FRMD4B: variants seen among roughly 807,000 people sequenced by gnomAD.
FRMD4B encodes the protein FERM domain containing 4B, also known as FERM domain-containing protein 4B.
In FRMD4B, 74 loss-of-function variants were observed where a neutral mutation model predicts 141.5. The ratio of observed to expected loss-of-function variants is 0.52; its 90% CI spans 0.43 to 0.63. The LOEUF (loss-of-function observed/expected upper bound fraction) is 0.63. Among genes scored for constraint, FRMD4B ranks in the 30% least tolerant of loss-of-function variants. The probability of loss-of-function intolerance (pLI) is 0.00; values close to 1 mark genes in which losing one functional copy is unlikely to be tolerated. For missense variants in FRMD4B, 1,366 were observed against 1,253.4 expected, an observed-to-expected ratio of 1.09 and a Z score of -1.36; for synonymous variants, 506 against 467.9, an observed-to-expected ratio of 1.08 and a Z score of -1.05.
intron 1 of FRMD4B, among the ~76,000 whole-genome samples, chr3:69,342,189 C>T (rs1702763465): frequency 6.6e-6 from 1 of 152,122 alleles, no homozygotes; most frequent in South Asian, 2.1e-4. Context: ...GGGTCCATGT[C>T]CTTAAAGTGG....
intron 5 of FRMD4B, chr3:69,287,532 T>C (rs1432300848): frequency 5.5e-6 from 3 of 548,208 alleles, no homozygotes; most frequent in Non-Finnish European, 9.8e-6. Context: ...ATTGTGCATA[T>C]GCAGGATTCC....
At chr3:69,473,945 C>T (rs1705936854) in intron 1 of FRMD4B, among the ~76,000 whole-genome samples, 1 of 152,146 alleles carries the variant, frequency 6.6e-6, no homozygotes, top group African/African-American at 2.4e-5. Flanking sequence ...CTTCTCCCAT[C>T]CCAGCCGTAT....
At chr3:69,231,312 C>G (rs1452115477) in intron 7 of FRMD4B, among the ~76,000 whole-genome samples, 1 of 152,024 alleles carries the variant, frequency 6.6e-6, no homozygotes, top group Non-Finnish European at 1.5e-5. Flanking sequence ...TTATTTTTTT[C>G]TCCGAGACTC....
intron 1 of FRMD4B, among the ~76,000 whole-genome samples, chr3:69,370,917 C>G (rs1024296678): frequency 2.6e-5 from 4 of 152,226 alleles, no homozygotes; most frequent in South Asian, 4.1e-4. Context: ...ACAAGTATTT[C>G]TGAAGCACAT....
chr3:69,281,827 A>G (rs1202219948), intron 5 of FRMD4B, among the ~76,000 whole-genome samples: 2 of 20,790 alleles, frequency 9.6e-5, no homozygotes, highest in Admixed American at 8.0e-4. Context: ...CCGTCTCAAA[A>G]AAAAAAAAAA....
At chr3:69,394,261 T>C (rs923418202) in intron 2 of FRMD4B, among the ~76,000 whole-genome samples, 1 of 152,218 alleles carries the variant, frequency 6.6e-6, no homozygotes, top group African/African-American at 2.4e-5. Flanking sequence ...AAGGCACTGA[T>C]CCTACCATGG....
chr3:69,278,649 C>T (rs1362598285), intron 5 of FRMD4B, among the ~76,000 whole-genome samples: 1 of 150,060 alleles, frequency 6.7e-6, no homozygotes, highest in Non-Finnish European at 1.5e-5. Context: ...TGCAGCAGCG[C>T]AATCTCGGCT....
intron 3 of FRMD4B, among the ~76,000 whole-genome samples, chr3:69,302,810 T>A (rs747356902): frequency 6.6e-6 from 1 of 152,220 alleles, no homozygotes; most frequent in Non-Finnish European, 1.5e-5. Context: ...CAGTGGCTCA[T>A]GCCTGTAATC....
chr3:69,283,676 C>T (rs1402377729), intron 5 of FRMD4B, among the ~76,000 whole-genome samples: 1 of 152,180 alleles, frequency 6.6e-6, no homozygotes. Context: ...TTGTATGTCT[C>T]CACATAGGAG....
chr3:69,470,614 G>A (rs1396704330), intron 1 of FRMD4B, among the ~76,000 whole-genome samples: 1 of 152,096 alleles, frequency 6.6e-6, no homozygotes. Flanking sequence ...TCCAATTGGT[G>A]GGCAATGGCC....
intron 5 of FRMD4B, among the ~76,000 whole-genome samples, chr3:69,283,201 T>G (rs953291764): frequency 6.6e-6 from 1 of 151,580 alleles, no homozygotes; most frequent in South Asian, 2.1e-4. Flanking sequence ...CTGGCCAACA[T>G]GGTGAAACCC....
intron 2 of FRMD4B, among the ~76,000 whole-genome samples, chr3:69,405,754 T>C (rs1389588917): frequency 6.6e-6 from 1 of 152,160 alleles, no homozygotes; most frequent in East Asian, 1.9e-4. Flanking sequence ...CTACCCTCTT[T>C]GGTGTCAGAA....
intron 1 of FRMD4B, among the ~76,000 whole-genome samples, chr3:69,455,319 C>T (rs563783157): frequency 3.9e-5 from 6 of 152,200 alleles, no homozygotes; most frequent in East Asian, 3.9e-4. Flanking sequence ...TTCTTTCACT[C>T]TTTGCAATAA....
chr3:69,236,471 C>T (rs1036086894), intron 7 of FRMD4B, among the ~76,000 whole-genome samples: 9 of 152,206 alleles, frequency 5.9e-5, no homozygotes, highest in South Asian at 2.1e-4. Context: ...TCAAATGATC[C>T]GCCCGCCTTG....
At chr3:69,212,032 CA>C (rs113582561) in intron 11 of FRMD4B, among the ~76,000 whole-genome samples, 13,172 of 142,022 alleles carry the variant, frequency 0.093, 600 homozygotes, top group African/African-American at 0.11. Context: ...AGACACCCCC[CA>C]AAAAAAAAAA....
chr3:69,337,931 A>G (rs969818862), intron 1 of FRMD4B, among the ~76,000 whole-genome samples: 2 of 152,230 alleles, frequency 1.3e-5, no homozygotes, highest in Non-Finnish European at 2.9e-5. Flanking sequence ...TAGAAATACC[A>G]TTTGACCCAG....
chr3:69,473,466 C>A (rs1210660629), intron 1 of FRMD4B, among the ~76,000 whole-genome samples: 1 of 152,158 alleles, frequency 6.6e-6, no homozygotes, highest in Non-Finnish European at 1.5e-5. Flanking sequence ...TCTCACTCCT[C>A]ATTCTGAACT....
At chr3:69,258,246 G>A (rs180844554) in intron 5 of FRMD4B, among the ~76,000 whole-genome samples, 11 of 152,274 alleles carry the variant, frequency 7.2e-5, no homozygotes, top group East Asian at 5.8e-4. Context: ...GGTTACAGGC[G>A]TGAGCCACTG....
chr3:69,485,057 G>C (rs1330983625), intron 1 of FRMD4B, among the ~76,000 whole-genome samples: 4 of 152,136 alleles, frequency 2.6e-5, no homozygotes, highest in African/African-American at 7.2e-5. Flanking sequence ...GCACCAAGGT[G>C]CACCTGCAGG....
Sources: allele counts gnomAD v4.1 joint callset (sites outside exome capture counted in the v4.1 genomes callset), GRCh38; gene constraint gnomAD v4.1.1; transcripts MANE v1.5; gene names NCBI Gene and HGNC (gene_info 2026-07-23, HGNC 2026-07-21).